CHST11: variants seen among roughly 807,000 people sequenced by gnomAD.
CHST11 encodes C4S-1.
Under a neutral mutation model 30.4 loss-of-function variants are expected in CHST11, and 9 were observed. The observed-to-expected ratio is 0.30, with a 90% CI of 0.18 to 0.52. The LOEUF (loss-of-function observed/expected upper bound fraction) is 0.52. CHST11 is among the 20% of genes least tolerant of loss of function. CHST11 has a pLI of 0.97. For synonymous variants in CHST11, 152 were observed against 187.8 expected, an observed-to-expected ratio of 0.81 and a Z score of 1.56; for missense variants, 348 against 460.6, an observed-to-expected ratio of 0.76 and a Z score of 2.24.
chr12:104,531,354 G>A (rs2038181627), intron 1 of CHST11, among the ~76,000 whole-genome samples: 1 of 151,820 alleles, frequency 6.6e-6, no homozygotes, highest in African/African-American at 2.4e-5. Context: ...GCCAGGTGTT[G>A]TGGTCCATGC....
chr12:104,592,283 A>T (rs116683075), intron 1 of CHST11, among the ~76,000 whole-genome samples: 97 of 152,212 alleles, frequency 6.4e-4, no homozygotes, highest in African/African-American at 7.2e-4. Context: ...GCTACAACAA[A>T]ATACCATAAA....
At chr12:104,672,131 C>T (rs1337454387) in intron 2 of CHST11, among the ~76,000 whole-genome samples, 1 of 152,170 alleles carries the variant, frequency 6.6e-6, no homozygotes, top group Non-Finnish European at 1.5e-5. Context: ...GTTCTCCATC[C>T]CTGACAATGA....
Position 104,473,230 on chromosome 12 carries a change from A to C in CHST11, c.118+15701A>C, listed in dbSNP as rs184855124. On this transcript the variant is annotated intron_variant, in intron 1 of 2. Transcript: ENST00000303694. Reference sequence around the variant, plus strand: ...TAATGGGAGGTAAGATTATTCATGAACGACTAAAGTGCAAAGTAAGAAAGA... The same window carrying C: ...TAATGGGAGGTAAGATTATTCATGACCGACTAAAGTGCAAAGTAAGAAAGA... Among the ~76,000 whole-genome samples the C allele has an allele frequency of 5.3e-4, 81 of 152,290 alleles. 2 individuals carry two copies. Among genetic ancestry groups the C allele is most frequent in the South Asian group, 1.5e-3 (7 of 4,826 alleles).
intron 1 of CHST11, among the ~76,000 whole-genome samples, chr12:104,544,991 A>T (rs978156110): frequency 1.8e-4 from 27 of 151,924 alleles, no homozygotes; most frequent in African/African-American, 6.5e-4. Flanking sequence ...CCTTGTTCTG[A>T]GAAGAGGGAG....
chr12:104,610,539 C>T (rs765392598), intron 2 of CHST11, among the ~76,000 whole-genome samples: 1 of 152,196 alleles, frequency 6.6e-6, no homozygotes, highest in Non-Finnish European at 1.5e-5. Context: ...CTGCCATTTT[C>T]AGAAAGTTAT....
intron 1 of CHST11, among the ~76,000 whole-genome samples, chr12:104,601,504 AG>A (rs1301790546): frequency 2.0e-5 from 3 of 152,362 alleles, no homozygotes; most frequent in South Asian, 2.1e-4. Context: ...AAGGAATGAA[AG>A]GTCATTGACT....
intron 2 of CHST11, among the ~76,000 whole-genome samples, chr12:104,615,872 G>A (rs1271906945): frequency 1.3e-5 from 2 of 151,968 alleles, no homozygotes; most frequent in African/African-American, 4.8e-5. Flanking sequence ...AGGCTGCAGT[G>A]AGCCAAGATC....
chr12:104,525,793 T>G (rs2038119594), intron 1 of CHST11, among the ~76,000 whole-genome samples: 1 of 152,182 alleles, frequency 6.6e-6, no homozygotes, highest in Non-Finnish European at 1.5e-5. Flanking sequence ...GTGATGCCTT[T>G]TGGTATTACA....
chr12:104,656,322 A>G (rs1246389011), intron 2 of CHST11, among the ~76,000 whole-genome samples: 1 of 151,756 alleles, frequency 6.6e-6, no homozygotes, highest in Non-Finnish European at 1.5e-5. Flanking sequence ...TTTTTTTCTC[A>G]TTCATTTTCT....
intron 2 of CHST11, among the ~76,000 whole-genome samples, chr12:104,658,069 C>CA: frequency 6.6e-6 from 1 of 152,336 alleles, no homozygotes; most frequent in African/African-American, 2.4e-5. Flanking sequence ...CAGAGTTTTA[C>CA]AAGCATGCTG....
Position 104,757,452 on chromosome 12 carries a change from A to T in CHST11, c.708A>T (p.Lys236Asn). 1 of 1,614,030 alleles carries T rather than the reference A, an allele frequency of 6.2e-7. No individual in the cohort carries two copies. Among genetic ancestry groups the T allele is most frequent in the Non-Finnish European group, 8.5e-7 (1 of 1,180,020 alleles). ...CCCTGCGCAAAGGGGACGATGTCAA[A>T]TTCGAGGAGTTTGTGGCCTATCTCA... ...QEALRKGDDVKFEEFVAYLID... is the reference protein window; with the variant it reads ...QEALRKGDDVNFEEFVAYLID... Residue 236 changes from lysine (K) to asparagine (N), a missense_variant, in exon 3 of 3, where the codon AAA (lysine) becomes AAT (asparagine). This residue lies in a region of CHST11 where 210 missense variants were observed against 287.2 expected (regional missense o/e 0.73). Transcript: ENST00000303694. The surrounding 1 kb of genome is among the most constrained non-coding windows in gnomAD (Gnocchi z 6.5).
chr12:104,530,572 A>T (rs150954624), intron 1 of CHST11, among the ~76,000 whole-genome samples: 129 of 152,354 alleles, frequency 8.5e-4, no homozygotes, highest in African/African-American at 2.7e-3. Context: ...TGGCAGCTTC[A>T]TTGACATACT....
intron 1 of CHST11, among the ~76,000 whole-genome samples, chr12:104,501,224 G>C (rs2037850808): frequency 6.6e-6 from 1 of 152,154 alleles, no homozygotes; most frequent in African/African-American, 2.4e-5. Context: ...TGTTTCCACA[G>C]CTGGGCCACA....
chr12:104,507,106 T>C (rs2037914823), intron 1 of CHST11, among the ~76,000 whole-genome samples: 1 of 152,212 alleles, frequency 6.6e-6, no homozygotes, highest in African/African-American at 2.4e-5. Flanking sequence ...GGGAAGGGTC[T>C]GAGCTGTGAC....
At chr12:104,598,522 T>C (rs2038927750) in intron 1 of CHST11, among the ~76,000 whole-genome samples, 1 of 152,212 alleles carries the variant, frequency 6.6e-6, no homozygotes, top group South Asian at 2.1e-4. Context: ...TGGGGAAGTC[T>C]TATTAAAATG....
intron 2 of CHST11, among the ~76,000 whole-genome samples, chr12:104,747,750 G>A (rs1480338338): frequency 6.6e-6 from 1 of 152,104 alleles, no homozygotes; most frequent in Non-Finnish European, 1.5e-5. Context: ...GTCACTTAAT[G>A]CTTCCAAATG....
intron 2 of CHST11, among the ~76,000 whole-genome samples, chr12:104,715,681 T>C (rs7964746): frequency 0.049 from 7,524 of 152,158 alleles, 340 homozygotes; most frequent in African/African-American, 0.12. Flanking sequence ...GCTGCTGCCC[T>C]AACTCCCAGG....
At chr12:104,497,046 G>A (rs1443870259) in intron 1 of CHST11, among the ~76,000 whole-genome samples, 1 of 152,160 alleles carries the variant, frequency 6.6e-6, no homozygotes, top group African/African-American at 2.4e-5. Context: ...ACCTCTCCTG[G>A]ATATCAAGCC....
intron 2 of CHST11, among the ~76,000 whole-genome samples, chr12:104,734,701 C>G (rs920928386): frequency 6.6e-6 from 1 of 152,150 alleles, no homozygotes; most frequent in African/African-American, 2.4e-5. Flanking sequence ...CCACCAACAG[C>G]CTTTCCTGGT....
Sources: gnomAD v4.1 joint callset for allele counts (sites outside exome capture counted in the v4.1 genomes callset) on GRCh38, gnomAD v4.1.1 for gene constraint, gnomAD v4.1.1 regional missense constraint, Gnocchi (gnomAD v3.1) non-coding constraint, MANE v1.5 for transcripts, NCBI Gene and HGNC (gene_info 2026-07-23, HGNC 2026-07-21) for gene names.